Variants in DLG2 observed in about 807,000 individuals in gnomAD.
DLG2 encodes the protein disks large homolog 2.
A neutral mutation model predicts 132.5 loss-of-function variants in DLG2; 45 were observed. The observed-to-expected ratio is 0.34, with a 90% CI of 0.27 to 0.44. The LOEUF is 0.44. DLG2 is among the 20% of genes least tolerant of loss of function. The probability of loss-of-function intolerance (pLI) is 1.00; values close to 1 mark genes in which losing one functional copy is unlikely to be tolerated. For missense variants in DLG2, 1,045 were observed against 1,196.9 expected (o/e 0.87, Z 1.87); for synonymous variants, 424 against 419.6 (o/e 1.01, Z -0.13).
intron 6 of DLG2, among the ~76,000 whole-genome samples, chr11:85,003,028 C>T (rs1204621282): frequency 6.6e-6 from 1 of 151,866 alleles, no homozygotes; most frequent in Non-Finnish European, 1.5e-5. Flanking sequence ...GAGAAGGCTT[C>T]CAGTCAAATA....
At chr11:84,882,911 G>A (rs1159921773) in intron 6 of DLG2, among the ~76,000 whole-genome samples, 1 of 152,006 alleles carries the variant, frequency 6.6e-6, no homozygotes, top group Non-Finnish European at 1.5e-5. Flanking sequence ...ATTGTATACA[G>A]AATTTTCAAT....
intron 4 of DLG2, among the ~76,000 whole-genome samples, chr11:85,251,575 T>C (rs964780743): frequency 2.0e-5 from 3 of 152,016 alleles, no homozygotes; most frequent in African/African-American, 7.3e-5. Flanking sequence ...TAAATAACAA[T>C]TGGTGAGGCT....
At position 85,600,285 on chromosome 11, in the gene DLG2, C is replaced by CCACT. The variant is rs563927664; in HGVS notation, c.-92-1501_-92-1498dup. Reference sequence around the variant, plus strand: ...GTTCCATTATCAATTGCTTTCTTTTCCACTCAATCATCCCATCATTACTAA... The same window carrying CCACT: ...GTTCCATTATCAATTGCTTTCTTTTCCACTCACTCAATCATCCCATCATTACTAA... On this transcript the variant is annotated intron_variant, in intron 2 of 27. Coordinates refer to ENST00000376104, the MANE Select transcript of DLG2 (RefSeq NM_001142699.3). 8.7e-4 allele frequency among the ~76,000 whole-genome samples: 132 copies of CCACT among 152,328 alleles called. No homozygotes were observed. In the South Asian group the frequency reaches 0.018, roughly 21 times the overall value.
chr11:83,612,273 T>C (rs1401334828), intron 19 of DLG2, among the ~76,000 whole-genome samples: 1 of 152,226 alleles, frequency 6.6e-6, no homozygotes, highest in Non-Finnish European at 1.5e-5. Context: ...AGCTGTGTGA[T>C]TTAGAACAGG....
At chr11:83,989,366 T>C (rs1232468507) in intron 11 of DLG2, among the ~76,000 whole-genome samples, 1 of 152,196 alleles carries the variant, frequency 6.6e-6, no homozygotes, top group African/African-American at 2.4e-5. Context: ...GGAGTAAGTA[T>C]ATCTATTATC....
chr11:84,618,389 G>A (rs913539083), intron 6 of DLG2, among the ~76,000 whole-genome samples: 6 of 151,958 alleles, frequency 3.9e-5, no homozygotes, highest in Non-Finnish European at 8.8e-5. Flanking sequence ...GCTATAATAC[G>A]TCAATGGTTT....
chr11:83,668,472 A>G (rs1470104650), intron 18 of DLG2, among the ~76,000 whole-genome samples: 2 of 152,126 alleles, frequency 1.3e-5, no homozygotes, highest in Non-Finnish European at 2.9e-5. Context: ...CTGCAAAGAC[A>G]TTCAGAGAAG....
intron 7 of DLG2, among the ~76,000 whole-genome samples, chr11:84,446,098 G>A (rs548900190): frequency 6.6e-6 from 1 of 151,586 alleles, no homozygotes; most frequent in East Asian, 1.9e-4. Flanking sequence ...TGCTTTCAGG[G>A]TATATCCTCA....
intron 3 of DLG2, among the ~76,000 whole-genome samples, 159 bp downstream of exon 3, chr11:85,598,498 C>CA (rs1203876939): frequency 1.3e-5 from 2 of 151,842 alleles, no homozygotes; most frequent in Admixed American, 6.6e-5. Flanking sequence ...AAAAGGAAAA[C>CA]AAAAAACAAA....
intron 3 of DLG2, among the ~76,000 whole-genome samples, chr11:85,493,558 T>C (rs1330351994): frequency 1.3e-5 from 2 of 151,970 alleles, no homozygotes; most frequent in Non-Finnish European, 1.5e-5. Flanking sequence ...AACAACTACT[T>C]GGGAGTTGTT....
intron 3 of DLG2, among the ~76,000 whole-genome samples, chr11:85,577,965 G>A (rs891159320): frequency 1.3e-5 from 2 of 152,058 alleles, no homozygotes; most frequent in African/African-American, 4.8e-5. Context: ...AAAACTGGAG[G>A]CATCATGCTA....
chr11:84,452,860 A>G (rs1052781566), intron 7 of DLG2, among the ~76,000 whole-genome samples: 1 of 151,728 alleles, frequency 6.6e-6, no homozygotes, highest in Non-Finnish European at 1.5e-5. Flanking sequence ...CAGCCTCTAC[A>G]ATGTAGCAAG....
At chr11:84,122,218 G>T (rs1396452804) in intron 9 of DLG2, among the ~76,000 whole-genome samples, 1 of 152,076 alleles carries the variant, frequency 6.6e-6, no homozygotes, top group Admixed American at 6.5e-5. Context: ...TACTCAGGAG[G>T]CTGGGGCAGG....
intron 6 of DLG2, among the ~76,000 whole-genome samples, chr11:84,952,899 G>C (rs1434569501): frequency 6.6e-6 from 1 of 152,146 alleles, no homozygotes; most frequent in African/African-American, 2.4e-5. Flanking sequence ...TAGTCTCCAA[G>C]GTTTTCCGTG....
chr11:83,638,658 A>C (rs1310838585), intron 18 of DLG2, among the ~76,000 whole-genome samples: 1 of 152,106 alleles, frequency 6.6e-6, no homozygotes, highest in Non-Finnish European at 1.5e-5. Flanking sequence ...TGATGTCTTC[A>C]CCAGGTCAAA....
chr11:83,797,797 C>T (rs1209589633), intron 17 of DLG2, among the ~76,000 whole-genome samples: 1 of 152,158 alleles, frequency 6.6e-6, no homozygotes, highest in Non-Finnish European at 1.5e-5. Flanking sequence ...GGAATACAGG[C>T]GTGAGCCACT....
At chr11:84,509,917 T>C (rs1191712459) in intron 7 of DLG2, among the ~76,000 whole-genome samples, 1 of 151,892 alleles carries the variant, frequency 6.6e-6, no homozygotes, top group African/African-American at 2.4e-5. Context: ...AAAACTTCAA[T>C]GGTTGAAAAA....
intron 7 of DLG2, among the ~76,000 whole-genome samples, chr11:84,325,824 A>G (rs543854050): frequency 1.6e-4 from 24 of 152,278 alleles, no homozygotes; most frequent in South Asian, 4.1e-4. Flanking sequence ...AAAGATTGCC[A>G]TTAATTATTC....
At chr11:83,786,843 C>CTGAT (rs1566960270) in intron 17 of DLG2, 51 bp from the exon 18 acceptor site, 1 of 1,555,430 alleles carries the variant, frequency 6.4e-7, no homozygotes, top group East Asian at 2.2e-5. Context: ...GCATATTATC[C>CTGAT]TGATAGAAGA....
Sources: allele counts gnomAD v4.1 joint callset (sites outside exome capture counted in the v4.1 genomes callset), GRCh38; gene constraint gnomAD v4.1.1; transcripts MANE v1.5; gene names NCBI Gene and HGNC (gene_info 2026-07-23, HGNC 2026-07-21).